Variants in TAFA4 observed in about 807,000 individuals in gnomAD.
TAFA4 encodes the protein TAFA chemokine like family member 4.
Under a neutral mutation model 21.1 loss-of-function variants are expected in TAFA4, and 20 were observed. That is an observed-to-expected ratio of 0.95 (90% CI 0.67 to 1.38). The LOEUF is 1.38. Ranked by LOEUF, TAFA4 falls within the 40% of genes most tolerant of loss-of-function variation. TAFA4 has a pLI of 0.00. For synonymous variants in TAFA4, 71 were observed against 67.4 expected, an observed-to-expected ratio of 1.05 and a Z score of -0.26; for missense variants, 211 against 180.9, an observed-to-expected ratio of 1.17 and a Z score of -0.95.
chr3:68,789,571 A>G (rs959970195), intron 3 of TAFA4, among the ~76,000 whole-genome samples: 1 of 152,170 alleles, frequency 6.6e-6, no homozygotes, highest in Non-Finnish European at 1.5e-5. Context: ...GTGCCTTAAT[A>G]AAGCTGGGGG....
At chr3:68,923,457 C>T (rs2090078885) in intron 1 of TAFA4, among the ~76,000 whole-genome samples, 1 of 152,124 alleles carries the variant, frequency 6.6e-6, no homozygotes, top group African/African-American at 2.4e-5. Context: ...TTATCTTAAT[C>T]TTGATTATTT....
chr3:68,847,389 G>C (rs544566477), intron 3 of TAFA4, among the ~76,000 whole-genome samples: 1 of 152,224 alleles, frequency 6.6e-6, no homozygotes, highest in East Asian at 1.9e-4. Context: ...GAGCATCCCA[G>C]GTCAACTTCA....
chr3:68,855,952 C>A (rs1481840222), intron 3 of TAFA4, among the ~76,000 whole-genome samples: 1 of 152,088 alleles, frequency 6.6e-6, no homozygotes. Flanking sequence ...TGCTGGAATG[C>A]AGACACGATA....
chr3:68,892,200 A>G (rs2089736426), intron 1 of TAFA4, among the ~76,000 whole-genome samples: 1 of 152,148 alleles, frequency 6.6e-6, no homozygotes, highest in Non-Finnish European at 1.5e-5. Flanking sequence ...TTTCCCACCA[A>G]TATGTGGTAT....
chr3:68,889,693 T>C (rs1412970940), intron 1 of TAFA4, among the ~76,000 whole-genome samples: 1 of 152,186 alleles, frequency 6.6e-6, no homozygotes, highest in Non-Finnish European at 1.5e-5. Context: ...GATCTAACTA[T>C]GAGGAAAATC....
intron 3 of TAFA4, among the ~76,000 whole-genome samples, chr3:68,797,894 G>A (rs922756725): frequency 6.6e-5 from 10 of 152,120 alleles, no homozygotes; most frequent in African/African-American, 2.4e-4. Context: ...AGCGATGTGA[G>A]TATACATAAT....
intron 5 of TAFA4, among the ~76,000 whole-genome samples, chr3:68,737,198 T>G (rs1702256691): frequency 6.6e-6 from 1 of 152,162 alleles, no homozygotes; most frequent in South Asian, 2.1e-4. Context: ...CTGATGGATG[T>G]AATACCCTAA....
intron 5 of TAFA4, among the ~76,000 whole-genome samples, chr3:68,737,046 T>C (rs1702253516): frequency 6.6e-6 from 1 of 152,180 alleles, no homozygotes; most frequent in Admixed American, 6.6e-5. Flanking sequence ...AAATGCCTTT[T>C]CTAACTACAC....
chr3:68,804,351 C>T (rs2220526), intron 3 of TAFA4, among the ~76,000 whole-genome samples: 100,005 of 151,950 alleles, frequency 0.66, 33,416 homozygotes, highest in East Asian at 0.98. Flanking sequence ...GAAAAATCAA[C>T]ATCGTGAAAA....
chr3:68,736,040 C>T (rs1702235322), intron 5 of TAFA4, among the ~76,000 whole-genome samples: 1 of 152,064 alleles, frequency 6.6e-6, no homozygotes, highest in Admixed American at 6.6e-5. Flanking sequence ...AAAGACATAG[C>T]TTTTCACCCT....
intron 3 of TAFA4, among the ~76,000 whole-genome samples, chr3:68,841,315 T>C (rs1704658296): frequency 7.2e-6 from 1 of 139,012 alleles, no homozygotes; most frequent in Non-Finnish European, 1.5e-5. Flanking sequence ...AGAGCGAGAC[T>C]CCGTCTCAAA....
chr3:68,786,853 A>C (rs1451123352), intron 3 of TAFA4, among the ~76,000 whole-genome samples: 2 of 152,188 alleles, frequency 1.3e-5, no homozygotes, highest in Non-Finnish European at 2.9e-5. Context: ...AGAAAATTTT[A>C]ATTTACTGGG....
intron 3 of TAFA4, among the ~76,000 whole-genome samples, chr3:68,858,577 C>CGTGTGTGTGTGTGTGTGT (rs4065047): frequency 6.8e-6 from 1 of 146,058 alleles, no homozygotes; most frequent in African/African-American, 2.5e-5. Flanking sequence ...TTCCAAGTGA[C>CGTGTGTGTGTGTGTGTGT]GTGTGTGTGT....
intron 3 of TAFA4, among the ~76,000 whole-genome samples, chr3:68,866,299 C>A (rs2089417376): frequency 6.6e-6 from 1 of 152,006 alleles, no homozygotes; most frequent in African/African-American, 2.4e-5. Context: ...CCCACACTCC[C>A]ATTTCAAGAC....
intron 3 of TAFA4, among the ~76,000 whole-genome samples, chr3:68,852,490 A>G (rs952932679): frequency 4.6e-5 from 7 of 152,162 alleles, no homozygotes; most frequent in African/African-American, 1.7e-4. Context: ...CTGCAAACCT[A>G]AAGGCAGCCT....
At chr3:68,914,513 G>A (rs367825161) in intron 1 of TAFA4, among the ~76,000 whole-genome samples, 21 of 152,272 alleles carry the variant, frequency 1.4e-4, no homozygotes, top group African/African-American at 4.6e-4. Flanking sequence ...TATATGTGAT[G>A]TGACCTTATG....
intron 4 of TAFA4, among the ~76,000 whole-genome samples, chr3:68,745,688 G>A (rs952921916): frequency 6.0e-4 from 91 of 152,138 alleles, no homozygotes; most frequent in African/African-American, 2.2e-3. Flanking sequence ...GTTTTATTTT[G>A]TATTCTTTTC....
chr3:68,826,582 A>C (rs1361312838), intron 3 of TAFA4, among the ~76,000 whole-genome samples: 3 of 152,232 alleles, frequency 2.0e-5, no homozygotes, highest in Non-Finnish European at 4.4e-5. Flanking sequence ...CAAAAAAAAA[A>C]AAAAAAAAGG....
intron 3 of TAFA4, among the ~76,000 whole-genome samples, chr3:68,811,401 T>C (rs1703834250): frequency 1.3e-5 from 2 of 152,090 alleles, no homozygotes; most frequent in African/African-American, 2.4e-5. Flanking sequence ...TTCGAACCCA[T>C]GGCAAAGAAG....
Sources: gnomAD v4.1 joint callset for allele counts (sites outside exome capture counted in the v4.1 genomes callset) on GRCh38, gnomAD v4.1.1 for gene constraint, MANE v1.5 for transcripts, NCBI Gene and HGNC (gene_info 2026-07-23, HGNC 2026-07-21) for gene names.